The following KIAA1217 variants were observed in gnomAD, a reference collection of about 807,000 sequenced individuals.
KIAA1217 encodes sickle tail protein homolog.
In KIAA1217, 88 loss-of-function variants were observed where a neutral mutation model predicts 163.9. That is an observed-to-expected ratio of 0.54 (90% CI 0.45 to 0.64). The LOEUF (loss-of-function observed/expected upper bound fraction) is 0.64. KIAA1217 is among the 30% of genes least tolerant of loss of function. KIAA1217 has a pLI of 0.00. For synonymous variants in KIAA1217, 903 were observed against 923.1 expected, an observed-to-expected ratio of 0.98 and a Z score of 0.39; for missense variants, 2,372 against 2,475.0, an observed-to-expected ratio of 0.96 and a Z score of 0.88.
At chr10:24,516,551 G>A (rs1043543317) in intron 10 of KIAA1217, among the ~76,000 whole-genome samples, 1 of 152,230 alleles carries the variant, frequency 6.6e-6, no homozygotes, top group Non-Finnish European at 1.5e-5. Context: ...TCACATTTGA[G>A]AGTTACTGCC....
intron 2 of KIAA1217, among the ~76,000 whole-genome samples, chr10:24,279,484 T>C (rs923825253): frequency 6.6e-6 from 1 of 152,160 alleles, no homozygotes; most frequent in Non-Finnish European, 1.5e-5. Context: ...TTAATGAGTA[T>C]GTGGAAAATT....
chr10:23,959,782 G>A (rs1259866872), intron 1 of KIAA1217, among the ~76,000 whole-genome samples: 1 of 151,950 alleles, frequency 6.6e-6, no homozygotes, highest in East Asian at 1.9e-4. Context: ...AGCAAGCCCT[G>A]TTTGTTCAGA....
At chr10:23,836,521 T>A (rs1256778367) in intron 1 of KIAA1217, among the ~76,000 whole-genome samples, 1 of 151,826 alleles carries the variant, frequency 6.6e-6, no homozygotes, top group Non-Finnish European at 1.5e-5. Flanking sequence ...ACTGCTTTTT[T>A]TTTTTTTTTT....
At chr10:23,826,879 G>T (rs148980681) in intron 1 of KIAA1217, among the ~76,000 whole-genome samples, 109 of 152,300 alleles carry the variant, frequency 7.2e-4, no homozygotes, top group African/African-American at 2.5e-3. Context: ...ACTCATGGTT[G>T]TTGAGAGTCA....
chr10:24,359,082 C>CTTTTTTTTTTT (rs202024336), intron 2 of KIAA1217, among the ~76,000 whole-genome samples: 22 of 81,546 alleles, frequency 2.7e-4, no homozygotes, highest in Non-Finnish European at 4.0e-4. Flanking sequence ...TTCTTTCTTT[C>CTTTTTTTTTTT]TTTTTTTTTT....
At chr10:24,514,205 C>A (rs1038969459) in intron 10 of KIAA1217, among the ~76,000 whole-genome samples, 11 of 152,122 alleles carry the variant, frequency 7.2e-5, no homozygotes, top group African/African-American at 2.4e-4. Flanking sequence ...ACTATCTCAC[C>A]TTTTAGTATA....
In KIAA1217 at chr10:24,219,875, C is replaced by T; in HGVS notation, c.320C>T (p.Ala107Val). ...CAGAAGTACCCCCACCACGCCTCTG[C>T]AATCATGGGTCACCAAGAGAGGCTG... is the stretch of plus-strand genomic sequence containing the variant. Reference protein sequence around the residue: ...LKQKYPHHASAIMGHQERLRD... With the variant: ...LKQKYPHHASVIMGHQERLRD... The change falls in exon 2 of 21, where the codon GCA (alanine) becomes GTA (valine). Residue 107 changes from alanine (A) to valine (V), a missense_variant. By Grantham distance (64) the Ala-to-Val change is moderately conservative. Transcript: ENST00000376454. The T allele has an allele frequency of 5.0e-6, 8 of 1,609,840 alleles. No homozygotes were observed. The highest frequency in any genetic ancestry group is 6.8e-6 in the Non-Finnish European group (8 of 1,177,814).
At chr10:24,291,361 T>A (rs2132458576) in intron 2 of KIAA1217, among the ~76,000 whole-genome samples, 1 of 152,186 alleles carries the variant, frequency 6.6e-6, no homozygotes, top group Middle Eastern at 3.4e-3. Flanking sequence ...AAACCCTGTC[T>A]CCACTAAAAA....
intron 2 of KIAA1217, among the ~76,000 whole-genome samples, chr10:24,262,971 G>A (rs981925341): frequency 2.0e-5 from 3 of 151,082 alleles, no homozygotes; most frequent in Admixed American, 6.6e-5. Flanking sequence ...AAAGAGAAAA[G>A]TATTGTAAGT....
At chr10:23,930,275 A>G (rs1048260033) in intron 1 of KIAA1217, among the ~76,000 whole-genome samples, 6 of 152,158 alleles carry the variant, frequency 3.9e-5, no homozygotes, top group Non-Finnish European at 2.9e-5. Context: ...TGTTTCTGAA[A>G]TAAGGGATTT....
At chr10:23,757,759 G>A in intron 1 of KIAA1217, among the ~76,000 whole-genome samples, 1 of 152,004 alleles carries the variant, frequency 6.6e-6, no homozygotes, top group Non-Finnish European at 1.5e-5. Flanking sequence ...CTCAGGTAAT[G>A]CACCTTCCTC....
chr10:24,488,403 A>C (rs2065678138), intron 6 of KIAA1217, among the ~76,000 whole-genome samples: 1 of 152,160 alleles, frequency 6.6e-6, no homozygotes, highest in Non-Finnish European at 1.5e-5. Context: ...GAAACAAAAT[A>C]TTGAAGTGCT....
intron 2 of KIAA1217, among the ~76,000 whole-genome samples, chr10:24,161,101 TC>T (rs1452701889): frequency 7.9e-5 from 12 of 152,286 alleles, no homozygotes; most frequent in Middle Eastern, 3.4e-3. Context: ...CAGCCCTACC[TC>T]CCTAAAGAAA....
At chr10:23,818,310 T>G (rs1178767791) in intron 1 of KIAA1217, among the ~76,000 whole-genome samples, 2 of 135,534 alleles carry the variant, frequency 1.5e-5, no homozygotes, top group Non-Finnish European at 3.1e-5. Flanking sequence ...AAATTATATA[T>G]ATATAACACT....
chr10:23,894,260 T>C (rs1841571217), intron 1 of KIAA1217, among the ~76,000 whole-genome samples: 1 of 151,700 alleles, frequency 6.6e-6, no homozygotes, highest in African/African-American at 2.4e-5. Flanking sequence ...CAGCCCAAAA[T>C]CTCCTTCAGC....
At chr10:24,117,006 T>G (rs879836359) in intron 2 of KIAA1217, among the ~76,000 whole-genome samples, 1 of 151,822 alleles carries the variant, frequency 6.6e-6, no homozygotes, top group Non-Finnish European at 1.5e-5. Context: ...TTATTCTTGG[T>G]GATAAGGAAG....
intron 2 of KIAA1217, among the ~76,000 whole-genome samples, chr10:24,157,274 A>C (rs899848037): frequency 6.6e-6 from 1 of 152,126 alleles, no homozygotes; most frequent in Admixed American, 6.5e-5. Context: ...TTTGTGTGCT[A>C]ATTTGCCATC....
At chr10:23,749,622 G>A (rs1414807574) in intron 1 of KIAA1217, among the ~76,000 whole-genome samples, 3 of 152,172 alleles carry the variant, frequency 2.0e-5, no homozygotes, top group African/African-American at 7.2e-5. Flanking sequence ...GGCCAGGATG[G>A]TCTTGATCTC....
At chr10:23,882,434 CT>C (rs1840991061) in intron 1 of KIAA1217, among the ~76,000 whole-genome samples, 1 of 151,866 alleles carries the variant, frequency 6.6e-6, no homozygotes. Flanking sequence ...TGAAGGGGAA[CT>C]TGACAGAGAG....
Sources: gnomAD v4.1 joint callset for allele counts (sites outside exome capture counted in the v4.1 genomes callset) on GRCh38, gnomAD v4.1.1 for gene constraint, MANE v1.5 for transcripts, NCBI Gene and HGNC (gene_info 2026-07-23, HGNC 2026-07-21) for gene names.